The following ACVR2A variants were observed in gnomAD, a reference collection of about 807,000 sequenced individuals.
ACVR2A encodes the protein activin A receptor type 2A.
In ACVR2A, 7 loss-of-function variants were observed where a neutral mutation model predicts 61.4. That is an observed-to-expected ratio of 0.11 (90% CI 0.06 to 0.21). The LOEUF is 0.21. ACVR2A is among the 10% of genes least tolerant of loss of function. ACVR2A has a pLI of 1.00. For synonymous variants in ACVR2A, 193 were observed against 208.3 expected, an observed-to-expected ratio of 0.93 and a Z score of 0.63; for missense variants, 322 against 621.7, an observed-to-expected ratio of 0.52 and a Z score of 5.13.
chr2:147,925,858 T>A (rs1047935445), intron 9 of ACVR2A, 173 bp from the exon 10 acceptor site: 7 of 556,472 alleles, frequency 1.3e-5, no homozygotes, highest in Non-Finnish European at 2.1e-5. Context: ...TCCCATACAT[T>A]AGTTTGGTCA....
At chr2:147,923,635 C>G (rs1388158918) in intron 9 of ACVR2A, among the ~76,000 whole-genome samples, 1 of 152,018 alleles carries the variant, frequency 6.6e-6, no homozygotes, top group Non-Finnish European at 1.5e-5. Flanking sequence ...AATTTTCAGA[C>G]GATATTTCCA....
At chr2:147,909,367 A>G (rs571708946) in intron 4 of ACVR2A, among the ~76,000 whole-genome samples, 1 of 152,180 alleles carries the variant, frequency 6.6e-6, no homozygotes, top group African/African-American at 2.4e-5. Context: ...CTAGTTACTC[A>G]GTAAAATTTG....
chr2:147,929,150 G>GT lies in ACVR2A; in HGVS notation c.*1877dup, dbSNP rs1687590664. The stretch of plus-strand genomic sequence containing the variant: ...TGCAGACCATTCAGAACTGTCACGT[G>GT]TGTCCCCATGGTCTCATTCATTGTA... On this transcript the variant is annotated 3_prime_UTR_variant, in exon 11 of 11. Transcript: ENST00000241416. The GT allele has an allele frequency of 6.6e-6, 1 of 152,260 alleles. No homozygotes were observed. The highest frequency in any genetic ancestry group is 1.5e-5 in the Non-Finnish European group (1 of 67,952). The allele number at this position is 152,260 out of a possible 1,614,324, so 9.4% of individuals were successfully genotyped here.
intron 4 of ACVR2A, among the ~76,000 whole-genome samples, chr2:147,904,492 A>G (rs960709319): frequency 6.6e-6 from 1 of 152,034 alleles, no homozygotes; most frequent in Non-Finnish European, 1.5e-5. Flanking sequence ...TTTAAAGGCT[A>G]TATAAGTAGC....
intron 8 of ACVR2A, among the ~76,000 whole-genome samples, chr2:147,922,557 C>A (rs1031767421): frequency 2.0e-5 from 3 of 151,936 alleles, no homozygotes; most frequent in African/African-American, 4.8e-5. Flanking sequence ...ACAGATAGAA[C>A]TTTTTAACAT....
At chr2:147,849,220 A>G (rs910853130) in intron 1 of ACVR2A, among the ~76,000 whole-genome samples, 3 of 152,116 alleles carry the variant, frequency 2.0e-5, no homozygotes, top group Non-Finnish European at 4.4e-5. Context: ...AAGTTTAATT[A>G]TATTTGCTTT....
rs565377218 is a variant in ACVR2A, at chr2:147,855,362, G to A, written c.55+10155G>A. On this transcript the variant is annotated intron_variant, in intron 1 of 10. Coordinates refer to ENST00000241416, the MANE Select transcript of ACVR2A (RefSeq NM_001616.5). ...TGATGGGACTGGAGAGATAGGGACA[G>A]GATCATGCAGGTCTTTGATGTAACA... is the stretch of plus-strand genomic sequence containing the variant. Among the ~76,000 whole-genome samples the A allele has an allele frequency of 1.6e-3, 251 of 152,322 alleles. 1 individual carries two copies. Among genetic ancestry groups the A allele is most frequent in the African/African-American group, 5.6e-3 (231 of 41,560 alleles).
intron 1 of ACVR2A, among the ~76,000 whole-genome samples, chr2:147,890,487 A>AGACGTCCTGAG: frequency 6.6e-6 from 1 of 152,170 alleles, no homozygotes; most frequent in Non-Finnish European, 1.5e-5. Context: ...CAGGACCTAC[A>AGACGTCCTGAG]TAATGGCACT....
intron 1 of ACVR2A, among the ~76,000 whole-genome samples, chr2:147,884,839 T>G (rs1411266011): frequency 1.3e-5 from 2 of 152,130 alleles, no homozygotes. Context: ...TTCCAACAGT[T>G]TACTCATTGT....
intron 4 of ACVR2A, among the ~76,000 whole-genome samples, chr2:147,901,100 A>C (rs1686862724): frequency 6.6e-6 from 1 of 152,064 alleles, no homozygotes. Flanking sequence ...GTTTGTGTTC[A>C]TTAAGAATCA....
At chr2:147,919,291 A>G (rs941217993) in intron 7 of ACVR2A, among the ~76,000 whole-genome samples, 2 of 152,096 alleles carry the variant, frequency 1.3e-5, no homozygotes, top group Non-Finnish European at 2.9e-5. Context: ...CCTCTAATTT[A>G]GGTTCTGATT....
chr2:147,870,327 A>T (rs1685980055), intron 1 of ACVR2A, among the ~76,000 whole-genome samples: 1 of 152,134 alleles, frequency 6.6e-6, no homozygotes, highest in Admixed American at 6.6e-5. Flanking sequence ...TTAATTTAAT[A>T]AAAAATGCTA....
chr2:147,899,442 C>T lies in ACVR2A; in HGVS notation c.264-16C>T, dbSNP rs767460236. ...ATAATATTGATTTTAATTATTTTTT[C>T]TCTGCTTATTTATAGGACTGATTGT... On this transcript the variant is annotated splice_polypyrimidine_tract_variant and intron_variant, in intron 2 of 10. Transcript: ENST00000241416. 3.2e-6 allele frequency: 5 copies of T among 1,552,910 alleles called. No individual in the cohort carries two copies. The highest frequency in any genetic ancestry group is 3.5e-4 in the Middle Eastern group (2 of 5,788).
At chr2:147,879,227 T>C (rs184795614) in intron 1 of ACVR2A, among the ~76,000 whole-genome samples, 11 of 152,150 alleles carry the variant, frequency 7.2e-5, no homozygotes, top group Non-Finnish European at 1.6e-4. Flanking sequence ...AGGTAACTTA[T>C]AAAGAACAGA....
At chr2:147,903,695 T>A (rs567026025) in intron 4 of ACVR2A, among the ~76,000 whole-genome samples, 1 of 151,962 alleles carries the variant, frequency 6.6e-6, no homozygotes, top group East Asian at 1.9e-4. Flanking sequence ...ATTGTATTAG[T>A]TGTAATCCTC....
At chr2:147,875,601 A>T (rs532032196) in intron 1 of ACVR2A, among the ~76,000 whole-genome samples, 1 of 152,062 alleles carries the variant, frequency 6.6e-6, no homozygotes, top group Non-Finnish European at 1.5e-5. Context: ...GATGATTTTG[A>T]TGGAGGTTGT....
Position 147,857,525 on chromosome 2 carries a change from T to C in ACVR2A, c.55+12318T>C, listed in dbSNP as rs1199276025. Reference sequence around the variant, plus strand: ...TGTAGCCGTTTGTTGGCAAGAATGGTTTTCTTTAAAAAAAAAAAAAAAAAA... The same window carrying C: ...TGTAGCCGTTTGTTGGCAAGAATGGCTTTCTTTAAAAAAAAAAAAAAAAAA... On this transcript the variant is annotated intron_variant, in intron 1 of 10. Coordinates refer to ENST00000241416, the MANE Select transcript of ACVR2A (RefSeq NM_001616.5). 2.7e-5 allele frequency among the ~76,000 whole-genome samples: 4 copies of C among 147,856 alleles called. No homozygotes were observed. The East Asian group carries it at 5.9e-4, about 22-fold the overall frequency.
intron 1 of ACVR2A, among the ~76,000 whole-genome samples, chr2:147,859,267 ATC>A (rs1685664567): frequency 6.6e-6 from 1 of 152,008 alleles, no homozygotes; most frequent in Non-Finnish European, 1.5e-5. Context: ...TTCTTCCCTG[ATC>A]TCTCTTCTAC....
At chr2:147,883,874 T>C (rs1271977081) in intron 1 of ACVR2A, among the ~76,000 whole-genome samples, 1 of 152,172 alleles carries the variant, frequency 6.6e-6, no homozygotes, top group African/African-American at 2.4e-5. Flanking sequence ...TGATTTCACA[T>C]TATCTTCATA....
Sources: gnomAD v4.1 joint callset for allele counts (sites outside exome capture counted in the v4.1 genomes callset) on GRCh38, gnomAD v4.1.1 for gene constraint, MANE v1.5 for transcripts, NCBI Gene and HGNC (gene_info 2026-07-23, HGNC 2026-07-21) for gene names.